Variants in STXBP5L observed in about 807,000 individuals in gnomAD.
STXBP5L encodes the protein syntaxin binding protein 5L.
Under a neutral mutation model 144.5 loss-of-function variants are expected in STXBP5L, and 65 were observed. That is an observed-to-expected ratio of 0.45 (90% CI 0.37 to 0.55). STXBP5L has a LOEUF of 0.55. Among genes scored for constraint, STXBP5L ranks in the 20% least tolerant of loss-of-function variants. The pLI, the probability that STXBP5L is intolerant of heterozygous loss-of-function variation, is 0.00. For synonymous variants in STXBP5L, 505 were observed against 469.6 expected (o/e 1.08, Z -0.97); for missense variants, 1,298 against 1,405.5 (o/e 0.92, Z 1.22).
intron 20 of STXBP5L, among the ~76,000 whole-genome samples, chr3:121,371,073 A>G (rs2046014973): frequency 6.6e-6 from 1 of 152,266 alleles, no homozygotes. Flanking sequence ...TTTGGAGGAA[A>G]GAAGACACTG....
At chr3:120,982,956 C>G (rs1941934403) in intron 3 of STXBP5L, among the ~76,000 whole-genome samples, 1 of 152,186 alleles carries the variant, frequency 6.6e-6, no homozygotes, top group Admixed American at 6.5e-5. Flanking sequence ...GTCCCCAGTC[C>G]TGCAGCAGAA....
chr3:121,395,238 T>G (rs955470885), intron 22 of STXBP5L, among the ~76,000 whole-genome samples: 12 of 152,214 alleles, frequency 7.9e-5, no homozygotes, highest in African/African-American at 2.9e-4. Context: ...ACATCTTTTT[T>G]CAGGCTAAAC....
intron 3 of STXBP5L, among the ~76,000 whole-genome samples, chr3:120,978,968 C>G (rs1323826230): frequency 6.6e-6 from 1 of 152,174 alleles, no homozygotes; most frequent in African/African-American, 2.4e-5. Context: ...GGGGGTGCCT[C>G]CCAGTTATGC....
At chr3:121,206,967 T>C (rs2048359676) in intron 10 of STXBP5L, among the ~76,000 whole-genome samples, 1 of 152,256 alleles carries the variant, frequency 6.6e-6, no homozygotes, top group African/African-American at 2.4e-5. Flanking sequence ...TCCTAGTTTA[T>C]ATTAATAATA....
intron 3 of STXBP5L, among the ~76,000 whole-genome samples, chr3:121,036,257 C>T (rs567318113): frequency 8.2e-4 from 124 of 152,090 alleles, no homozygotes; most frequent in Non-Finnish European, 1.5e-3. Flanking sequence ...CGCTTGAACC[C>T]AGGAGGCAGA....
intron 9 of STXBP5L, among the ~76,000 whole-genome samples, chr3:121,181,036 A>G (rs549514218): frequency 8.6e-5 from 13 of 151,414 alleles, no homozygotes; most frequent in African/African-American, 3.1e-4. Flanking sequence ...CTAACATTGA[A>G]TGTAAATGGC....
chr3:121,316,693 C>T (rs1209938482), intron 19 of STXBP5L, among the ~76,000 whole-genome samples: 2 of 152,146 alleles, frequency 1.3e-5, no homozygotes, highest in African/African-American at 2.4e-5. Flanking sequence ...CTACAAAGAG[C>T]GTGTGGCACA....
intron 9 of STXBP5L, among the ~76,000 whole-genome samples, chr3:121,176,934 T>C (rs565848591): frequency 6.6e-6 from 1 of 152,002 alleles, no homozygotes; most frequent in Non-Finnish European, 1.5e-5. Flanking sequence ...AAAATTATAA[T>C]TGAGATAGCT....
At chr3:121,037,122 G>A (rs1252170925) in intron 3 of STXBP5L, among the ~76,000 whole-genome samples, 1 of 151,642 alleles carries the variant, frequency 6.6e-6, no homozygotes, top group South Asian at 2.1e-4. Context: ...TGTAGAGATG[G>A]GGGTCTCACT....
chr3:121,399,256 C>T (rs1446801410), intron 22 of STXBP5L, among the ~76,000 whole-genome samples: 1 of 152,118 alleles, frequency 6.6e-6, no homozygotes, highest in Non-Finnish European at 1.5e-5. Context: ...TCTTACTCAC[C>T]ATGGGGATTG....
chr3:121,272,200 A>G (rs1198857970), intron 18 of STXBP5L, among the ~76,000 whole-genome samples: 1 of 152,188 alleles, frequency 6.6e-6, no homozygotes, highest in African/African-American at 2.4e-5. Flanking sequence ...TAGATAATGT[A>G]TCTATTGTTG....
At chr3:121,353,681 T>G (rs2045392567) in intron 20 of STXBP5L, among the ~76,000 whole-genome samples, 1 of 152,102 alleles carries the variant, frequency 6.6e-6, no homozygotes, top group Non-Finnish European at 1.5e-5. Context: ...TCTTTATCTC[T>G]TTCAGATCTG....
intron 23 of STXBP5L, among the ~76,000 whole-genome samples, chr3:121,408,298 G>A (rs1291025521): frequency 6.6e-5 from 10 of 151,820 alleles, no homozygotes; most frequent in Admixed American, 3.3e-4. Context: ...GCTCATAAAC[G>A]TATACTATAT....
chr3:120,992,205 G>A (rs537798738), intron 3 of STXBP5L, among the ~76,000 whole-genome samples: 19 of 151,884 alleles, frequency 1.3e-4, no homozygotes, highest in African/African-American at 4.4e-4. Flanking sequence ...TGGAGCATAG[G>A]CAATATTTCA....
intron 26 of STXBP5L, among the ~76,000 whole-genome samples, chr3:121,418,810 C>G (rs1378959304): frequency 1.3e-5 from 2 of 152,160 alleles, no homozygotes; most frequent in East Asian, 3.9e-4. Context: ...GGTTCTGATA[C>G]ATCTGGGATC....
At chr3:120,932,464 A>T (rs1401307370) in intron 2 of STXBP5L, among the ~76,000 whole-genome samples, 1 of 152,188 alleles carries the variant, frequency 6.6e-6, no homozygotes, top group Non-Finnish European at 1.5e-5. Flanking sequence ...GAGTAGTTCA[A>T]CCCAGCAAAT....
chr3:121,114,377 A>G (rs974111897), intron 5 of STXBP5L, among the ~76,000 whole-genome samples: 3 of 151,900 alleles, frequency 2.0e-5, no homozygotes, highest in African/African-American at 7.3e-5. Flanking sequence ...TCTCATGTAG[A>G]CATAGCTACC....
At chr3:120,955,068 A>G in intron 3 of STXBP5L, 31 bp downstream of exon 3, 2 of 1,410,296 alleles carry the variant, frequency 1.4e-6, no homozygotes, top group Non-Finnish European at 2.0e-6. Context: ...ATTATCTGCC[A>G]CAGTAATGCC....
chr3:121,241,245 A>T (rs78745290), intron 14 of STXBP5L, among the ~76,000 whole-genome samples: 3,192 of 152,246 alleles, frequency 0.021, 46 homozygotes, highest in South Asian at 0.039. Flanking sequence ...AACTGGGAAT[A>T]AACACAAATT....
Sources: allele counts gnomAD v4.1 joint callset (sites outside exome capture counted in the v4.1 genomes callset), GRCh38; gene constraint gnomAD v4.1.1; transcripts MANE v1.5; gene names NCBI Gene and HGNC (gene_info 2026-07-23, HGNC 2026-07-21).